ZCCHC17: variants seen among roughly 807,000 people sequenced by gnomAD.
ZCCHC17 encodes zinc finger CCHC-type containing 17.
In ZCCHC17, 18 loss-of-function variants were observed where a neutral mutation model predicts 30.6. That is an observed-to-expected ratio of 0.59 (90% CI 0.41 to 0.87). ZCCHC17 has a LOEUF of 0.87. Ranked by LOEUF, ZCCHC17 falls within the 40% of genes least tolerant of loss-of-function variation. The pLI, the probability that ZCCHC17 is intolerant of heterozygous loss-of-function variation, is 0.00. For missense variants in ZCCHC17, 263 were observed against 284.2 expected (o/e 0.93, Z 0.54); for synonymous variants, 88 against 92.4 (o/e 0.95, Z 0.27).
At chr1:31,324,024 C>T (rs936869190) in intron 3 of ZCCHC17, among the ~76,000 whole-genome samples, 1 of 152,132 alleles carries the variant, frequency 6.6e-6, no homozygotes, top group African/African-American at 2.4e-5. Context: ...AGAAAGATGC[C>T]ATGGAAGGTT....
At chr1:31,359,619 T>A (rs1421184519) in intron 7 of ZCCHC17, among the ~76,000 whole-genome samples, 1 of 152,198 alleles carries the variant, frequency 6.6e-6, no homozygotes, top group Non-Finnish European at 1.5e-5. Flanking sequence ...TATTTTTGTT[T>A]TTCTGTCACA....
intron 2 of ZCCHC17, chr1:31,318,132 A>C: frequency 5.4e-6 from 8 of 1,474,420 alleles, no homozygotes; most frequent in Non-Finnish European, 7.3e-6. Flanking sequence ...ATAGCAGTGC[A>C]GTCAGGATTG....
intron 7 of ZCCHC17, among the ~76,000 whole-genome samples, chr1:31,359,306 A>C (rs1639773037): frequency 1.3e-5 from 2 of 152,088 alleles, no homozygotes; most frequent in South Asian, 4.1e-4. Context: ...ACTTGAGGTC[A>C]GGAGTTTGAG....
intron 2 of ZCCHC17, among the ~76,000 whole-genome samples, chr1:31,312,153 A>T (rs1429127749): frequency 6.6e-6 from 1 of 152,130 alleles, no homozygotes; most frequent in Non-Finnish European, 1.5e-5. Flanking sequence ...ACAGACTAAG[A>T]CACTCTTCCT....
chr1:31,323,229 C>A (rs2148433131), intron 3 of ZCCHC17, among the ~76,000 whole-genome samples: 1 of 152,326 alleles, frequency 6.6e-6, no homozygotes, highest in South Asian at 2.1e-4. Context: ...AGTATCAATG[C>A]CAGCATCCTG....
chr1:31,339,592 C>T (rs541856506), intron 5 of ZCCHC17, among the ~76,000 whole-genome samples: 48 of 152,346 alleles, frequency 3.2e-4, no homozygotes, highest in African/African-American at 1.1e-3. Flanking sequence ...GTACCAAGCT[C>T]CTGGCATTGG....
chr1:31,315,588 C>T (rs1056907900), intron 2 of ZCCHC17, among the ~76,000 whole-genome samples: 3 of 152,104 alleles, frequency 2.0e-5, no homozygotes, highest in Non-Finnish European at 4.4e-5. Flanking sequence ...AAAAAAAAGT[C>T]TGTGTTGTAC....
intron 3 of ZCCHC17, among the ~76,000 whole-genome samples, chr1:31,334,375 G>A (rs1013201811): frequency 2.0e-5 from 3 of 147,478 alleles, no homozygotes; most frequent in Admixed American, 2.0e-4. Flanking sequence ...GTGTGTGTGT[G>A]TGTGTGTGTG....
At position 31,342,853 on chromosome 1, in the gene ZCCHC17, T is replaced by G. The variant is rs571676768; in HGVS notation, c.318-3787T>G. Among the ~76,000 whole-genome samples the G allele has an allele frequency of 1.1e-3, 171 of 152,326 alleles. 1 individual carries two copies. Among genetic ancestry groups the G allele is most frequent in the Middle Eastern group, 3.4e-3 (1 of 294 alleles). The stretch of plus-strand genomic sequence containing the variant: ...GAATAGGTGGTATTTGAGTTAGGTT[T>G]TGAAGAACAGATAAGATCTTGTCAG... On this transcript the variant is annotated intron_variant, in intron 5 of 7. Transcript: ENST00000344147.
intron 5 of ZCCHC17, among the ~76,000 whole-genome samples, chr1:31,339,960 CTTTTTT>C (rs36008834): frequency 7.3e-4 from 66 of 90,426 alleles, no homozygotes; most frequent in South Asian, 2.1e-3. Context: ...TCTTGGATTT[CTTTTTT>C]TTTTTTTTTT....
chr1:31,358,454 T>C (rs918263595), intron 7 of ZCCHC17, among the ~76,000 whole-genome samples: 2 of 152,198 alleles, frequency 1.3e-5, no homozygotes, highest in Admixed American at 6.5e-5. Flanking sequence ...AGTGAGTTGA[T>C]AGATAATCCA....
At chr1:31,318,343 A>G in intron 2 of ZCCHC17, 1 of 921,390 alleles carries the variant, frequency 1.1e-6, no homozygotes, top group Non-Finnish European at 1.6e-6. Flanking sequence ...GGGGTAGGCT[A>G]CAGGGGGAAG....
chr1:31,309,957 T>C (rs2148414344), intron 1 of ZCCHC17, 87 bp from the exon 2 acceptor site: 1 of 722,046 alleles, frequency 1.4e-6, no homozygotes, highest in East Asian at 2.5e-5. Context: ...GTGGTATTAT[T>C]CTGTAGAGAA....
chr1:31,302,501 C>G (rs761370655), intron 1 of ZCCHC17, among the ~76,000 whole-genome samples: 12 of 152,274 alleles, frequency 7.9e-5, no homozygotes, highest in Non-Finnish European at 1.3e-4. Context: ...CTAGCTCTTC[C>G]ATGAATGATA....
At chr1:31,330,332 A>G (rs182408175) in intron 3 of ZCCHC17, among the ~76,000 whole-genome samples, 1 of 152,234 alleles carries the variant, frequency 6.6e-6, no homozygotes, top group Middle Eastern at 3.4e-3. Flanking sequence ...ACCAGCAGAC[A>G]CTCAGATGGG....
chr1:31,364,004 G>C, intron 7 of ZCCHC17, 28 bp from the exon 8 acceptor site: 1 of 1,608,376 alleles, frequency 6.2e-7, no homozygotes, highest in Non-Finnish European at 8.5e-7. Context: ...TACACATACA[G>C]TGTTGATTTT....
At chr1:31,299,533 G>A (rs1486128222) in intron 1 of ZCCHC17, among the ~76,000 whole-genome samples, 1 of 152,200 alleles carries the variant, frequency 6.6e-6, no homozygotes. Context: ...TGAGTTAAAT[G>A]TGGAAAGAAG....
chr1:31,342,425 A>T (rs564852996), intron 5 of ZCCHC17, among the ~76,000 whole-genome samples: 1 of 152,230 alleles, frequency 6.6e-6, no homozygotes, highest in East Asian at 1.9e-4. Flanking sequence ...AGTTTAAAGC[A>T]GTTGTCCCCG....
At chr1:31,313,164 C>T (rs1183584298) in intron 2 of ZCCHC17, among the ~76,000 whole-genome samples, 1 of 150,454 alleles carries the variant, frequency 6.6e-6, no homozygotes, top group Admixed American at 6.7e-5. Context: ...CTGCAACTTC[C>T]ACCTCCTGGG....
Sources: gnomAD v4.1 joint callset for allele counts (sites outside exome capture counted in the v4.1 genomes callset) on GRCh38, gnomAD v4.1.1 for gene constraint, MANE v1.5 for transcripts, NCBI Gene and HGNC (gene_info 2026-07-23, HGNC 2026-07-21) for gene names.